The following HECW1 variants were observed in gnomAD, a reference collection of about 807,000 sequenced individuals.
HECW1 encodes E3 ubiquitin-protein ligase HECW1.
Under a neutral mutation model 182.3 loss-of-function variants are expected in HECW1, and 61 were observed. That is an observed-to-expected ratio of 0.33 (90% CI 0.27 to 0.41). The LOEUF is 0.41. Among genes scored for constraint, HECW1 ranks in the 10% least tolerant of loss-of-function variants. HECW1 has a pLI of 1.00. For missense variants in HECW1, 1,739 were observed against 2,108.9 expected (o/e 0.82, Z 3.44); for synonymous variants, 859 against 832.6 (o/e 1.03, Z -0.55).
At chr7:43,490,616 T>G (rs552808114) in intron 17 of HECW1, among the ~76,000 whole-genome samples, 29 of 152,332 alleles carry the variant, frequency 1.9e-4, no homozygotes, top group African/African-American at 6.0e-4. Flanking sequence ...ACAAAATGTA[T>G]GTAGAATCAC....
intron 3 of HECW1, among the ~76,000 whole-genome samples, chr7:43,291,213 C>T (rs1182487240): frequency 6.6e-6 from 1 of 152,216 alleles, no homozygotes; most frequent in Non-Finnish European, 1.5e-5. Context: ...TGCTAGCAGT[C>T]TTGCTACGAG....
chr7:43,517,568 A>G (rs2080226094), intron 24 of HECW1, among the ~76,000 whole-genome samples: 1 of 152,168 alleles, frequency 6.6e-6, no homozygotes, highest in African/African-American at 2.4e-5. Flanking sequence ...CCCTTGCTAC[A>G]TCTGCAGAGT....
chr7:43,225,222 T>G (rs1260514777), intron 2 of HECW1, among the ~76,000 whole-genome samples: 1 of 152,132 alleles, frequency 6.6e-6, no homozygotes, highest in African/African-American at 2.4e-5. Flanking sequence ...CTTAAATTAT[T>G]TTACAACCAT....
At chr7:43,224,403 G>A (rs1211988309) in intron 2 of HECW1, among the ~76,000 whole-genome samples, 2 of 152,162 alleles carry the variant, frequency 1.3e-5, no homozygotes, top group Non-Finnish European at 2.9e-5. Context: ...GATGCCCTGG[G>A]AGCCCAGGGG....
chr7:43,168,182 A>G (rs2152664399), intron 2 of HECW1, among the ~76,000 whole-genome samples: 1 of 152,348 alleles, frequency 6.6e-6, no homozygotes, highest in South Asian at 2.1e-4. Context: ...TTGCACCTGC[A>G]TTGCACAAAG....
At chr7:43,476,977 C>A (rs2078239049) in intron 16 of HECW1, among the ~76,000 whole-genome samples, 1 of 152,080 alleles carries the variant, frequency 6.6e-6, no homozygotes, top group African/African-American at 2.4e-5. Flanking sequence ...TATAACTTAG[C>A]ACTTGGATAA....
chr7:43,294,216 C>T (rs1805761494), intron 3 of HECW1, among the ~76,000 whole-genome samples: 1 of 152,228 alleles, frequency 6.6e-6, no homozygotes, highest in Admixed American at 6.5e-5. Context: ...AAAAAGGGTG[C>T]TGCATCTCCT....
chr7:43,469,192 G>A, intron 16 of HECW1, 87 bp downstream of exon 16: 24 of 1,380,816 alleles, frequency 1.7e-5, no homozygotes, highest in East Asian at 2.3e-5. Flanking sequence ...GAGAGTGTGG[G>A]GAGGAGTTAT....
chr7:43,483,545 C>CCCTT (rs2078512751), intron 17 of HECW1, among the ~76,000 whole-genome samples: 2 of 101,244 alleles, frequency 2.0e-5, no homozygotes, highest in Admixed American at 1.0e-4. Flanking sequence ...TCCATGCAAA[C>CCCTT]TCTTTTTTTT....
intron 2 of HECW1, among the ~76,000 whole-genome samples, chr7:43,153,197 G>C (rs1293926913): frequency 6.6e-6 from 1 of 152,008 alleles, no homozygotes; most frequent in Non-Finnish European, 1.5e-5. Flanking sequence ...TCTCCATCAA[G>C]CCCATTGTTA....
intron 19 of HECW1, among the ~76,000 whole-genome samples, chr7:43,496,104 T>C (rs529160501): frequency 4.7e-4 from 71 of 151,842 alleles, no homozygotes; most frequent in Non-Finnish European, 9.1e-4. Flanking sequence ...AAATGTTTTG[T>C]TGCAATATGG....
intron 5 of HECW1, among the ~76,000 whole-genome samples, chr7:43,336,188 CTCTCTCTCTCTT>C (rs1812255669): frequency 7.7e-6 from 1 of 129,708 alleles, no homozygotes; most frequent in Non-Finnish European, 1.6e-5. Context: ...CTCTCTCTCT[CTCTCTCTCTCTT>C]TCACTCTATT....
At chr7:43,262,247 C>CGTGT (rs10695541) in intron 3 of HECW1, among the ~76,000 whole-genome samples, 25 of 149,566 alleles carry the variant, frequency 1.7e-4, no homozygotes, top group African/African-American at 5.4e-4. Flanking sequence ...TGTATGTGTG[C>CGTGT]GTGTGTGTGT....
At chr7:43,163,014 C>T (rs1790716145) in intron 2 of HECW1, 1 of 152,232 alleles carries the variant, frequency 6.6e-6, no homozygotes, top group Admixed American at 6.5e-5. Context: ...TTGTTAGACT[C>T]CAAATCCTGT....
intron 28 of HECW1, 53 bp from the exon 29 acceptor site, chr7:43,554,539 C>G (rs1412436933): frequency 1.1e-5 from 16 of 1,482,966 alleles, no homozygotes; most frequent in African/African-American, 1.4e-5. Flanking sequence ...CCCTCCTCAC[C>G]CCTTCCTCTT....
At chr7:43,367,864 G>A (rs765594126) in intron 6 of HECW1, among the ~76,000 whole-genome samples, 4 of 151,946 alleles carry the variant, frequency 2.6e-5, no homozygotes, top group Non-Finnish European at 4.4e-5. Context: ...ATTTTTTCTC[G>A]CTGCTAATCT....
Position 43,558,853 on chromosome 7 carries a change from C to T in HECW1, c.4710-2962C>T, listed in dbSNP as rs115127498. The stretch of plus-strand genomic sequence containing the variant: ...TTTTAAAGAGCTGGAGCAGGTGGAG[C>T]GGTATGGGCTTCTGGATTTAGGGAT... On this transcript the variant is annotated intron_variant, in intron 29 of 29. Coordinates refer to ENST00000395891, the MANE Select transcript of HECW1 (RefSeq NM_015052.5). Among the ~76,000 whole-genome samples the T allele has an allele frequency of 4.5e-3, 690 of 151,950 alleles. 6 individuals are homozygous for T. The highest frequency in any genetic ancestry group is 0.024 in the South Asian group (115 of 4,796).
intron 8 of HECW1, among the ~76,000 whole-genome samples, chr7:43,413,873 T>A: frequency 7.0e-6 from 1 of 142,294 alleles, no homozygotes; most frequent in East Asian, 2.0e-4. Context: ...TAGTATAGTT[T>A]GAAGTCAGGT....
At chr7:43,498,342 C>T (rs186081953) in intron 19 of HECW1, among the ~76,000 whole-genome samples, 2 of 152,306 alleles carry the variant, frequency 1.3e-5, no homozygotes, top group African/African-American at 2.4e-5. Flanking sequence ...CTTCTTTTTC[C>T]CGCAGGGAGG....
Sources: gnomAD v4.1 joint callset for allele counts (sites outside exome capture counted in the v4.1 genomes callset) on GRCh38, gnomAD v4.1.1 for gene constraint, MANE v1.5 for transcripts, NCBI Gene and HGNC (gene_info 2026-07-23, HGNC 2026-07-21) for gene names.